The following SYNM variants were observed in gnomAD, a reference collection of about 807,000 sequenced individuals.
The protein encoded by SYNM is desmuslin.
In SYNM, 95 loss-of-function variants were observed where a neutral mutation model predicts 104.0. The ratio of observed to expected loss-of-function variants is 0.91; its 90% confidence interval spans 0.77 to 1.08. The LOEUF is 1.08. SYNM is among the 50% of genes least tolerant of loss of function. The probability of loss-of-function intolerance (pLI) is 0.00; values close to 1 mark genes in which losing one functional copy is unlikely to be tolerated. For missense variants in SYNM, 2,150 were observed against 2,052.2 expected (o/e 1.05, Z -0.92); for synonymous variants, 918 against 869.0 (o/e 1.06, Z -0.99).
chr15:99,124,831 G>A (rs1810091), intron 2 of SYNM, among the ~76,000 whole-genome samples: 51,112 of 152,062 alleles, frequency 0.34, 9,237 homozygotes, highest in Middle Eastern at 0.49. Flanking sequence ...TGGCTTCGAC[G>A]GTGTAAGTAC....
In SYNM at chr15:99,105,238, C is replaced by G. The variant is rs566408749; in HGVS notation, c.39C>G (p.Ala13=). 8 of 1,573,364 alleles carry G rather than the reference C, an allele frequency of 5.1e-6. No homozygotes were observed. The East Asian group carries it at 1.2e-4, about 23-fold the overall frequency. Residue 13 remains alanine, a synonymous_variant, in exon 1 of 4, where the codon GCC becomes GCG. Transcript: ENST00000336292. ...SWRLQTGPEK[A]ELQELNARLY... ...GGCTGCAGACGGGCCCCGAGAAGGC[C>G]GAGCTCCAGGAGCTCAACGCCCGGC... is the stretch of plus-strand genomic sequence containing the variant.
Position 99,131,258 on chromosome 15 carries a change from G to A in SYNM, c.2898G>A (p.Glu966=). Residue 966 remains glutamate (E), a synonymous_variant, in exon 4 of 4, where the codon GAG becomes GAA. Transcript: ENST00000336292. The surrounding 1 kb of genome is among the most constrained non-coding windows in gnomAD (Gnocchi z 4.3). ...AAACCCTTCCCGAGCGCATGAGGGA[G>A]GAGCTGTCCGCCCTCACCAGAGAGG... ...LEETLPERMR[E]ELSALTREGQ... is the part of the protein sequence containing the mutation. 1 of 1,610,986 alleles carries A rather than the reference G, an allele frequency of 6.2e-7. No homozygotes were observed. Among genetic ancestry groups the A allele is most frequent in the Non-Finnish European group, 8.5e-7 (1 of 1,178,920 alleles).
At chr15:99,120,494 G>C (rs372703431) in intron 2 of SYNM, among the ~76,000 whole-genome samples, 9 of 152,198 alleles carry the variant, frequency 5.9e-5, no homozygotes, top group Non-Finnish European at 1.2e-4. Context: ...CTTTGGGGGC[G>C]TGTCATGGAG....
chr15:99,136,798 C>G (rs1167684927), downstream of SYNM: 1 of 152,182 alleles, frequency 6.6e-6, no homozygotes, highest in Non-Finnish European at 1.5e-5. Context: ...TCCGACAGGC[C>G]TGGGTCTGGG....
At chr15:99,108,407 C>T (rs943547710) in intron 1 of SYNM, among the ~76,000 whole-genome samples, 5 of 152,130 alleles carry the variant, frequency 3.3e-5, no homozygotes, top group African/African-American at 1.2e-4. Context: ...CCAGAAGATT[C>T]AGCACCAATC....
chr15:99,129,460 G>A lies in SYNM; in HGVS notation c.1100G>A (p.Ser367Asn), dbSNP rs1555485386. The part of the protein sequence containing the change: ...LFSRQKAPLA[S>N]FNHSSALYSN... ...TCAAGGCAGAAAGCACCTTTGGCAA[G>A]TTTCAATCACAGCTCGGCACTGTAT... The change falls in exon 4 of 4, where the codon AGT becomes AAT. Residue 367 changes from serine to asparagine, a missense_variant. By Grantham distance (46) the Ser-to-Asn change is conservative. Transcript: ENST00000336292. The A allele has an allele frequency of 4.3e-6, 7 of 1,614,036 alleles. No homozygotes were observed. Among genetic ancestry groups the A allele is most frequent in the Non-Finnish European group, 5.9e-6 (7 of 1,179,906 alleles).
chr15:99,118,081 C>T (rs924260049), intron 2 of SYNM, among the ~76,000 whole-genome samples: 1 of 152,216 alleles, frequency 6.6e-6, no homozygotes, highest in Non-Finnish European at 1.5e-5. Flanking sequence ...GACTCCCAGC[C>T]CTGCTGGGTA....
Position 99,131,956 on chromosome 15 carries a change from C to G in SYNM, c.3596C>G (p.Ala1199Gly). The change falls in exon 4 of 4, where the codon GCA (alanine) becomes GGA (glycine). Residue 1199 changes from alanine (A) to glycine (G), a missense_variant. Coordinates refer to ENST00000336292, the MANE Select transcript of SYNM (RefSeq NM_145728.3). This position sits in a 1 kb window ranked among gnomAD's most constrained non-coding sequence, Gnocchi z 4.3. ...FLGPAPACPEAWGSPEPGPAE... is the reference protein window; with the variant it reads ...FLGPAPACPEGWGSPEPGPAE... ...GGCCCTGCCCCTGCCTGTCCAGAGG[C>G]ATGGGGCTCGCCAGAACCTGGCCCA... 1 of 1,613,796 alleles carries G rather than the reference C, an allele frequency of 6.2e-7. No individual in the cohort carries two copies. The highest frequency in any genetic ancestry group is 8.5e-7 in the Non-Finnish European group (1 of 1,179,888).
intron 2 of SYNM, among the ~76,000 whole-genome samples, chr15:99,126,494 C>A (rs2067448876): frequency 1.3e-5 from 2 of 152,236 alleles, no homozygotes; most frequent in Non-Finnish European, 2.9e-5. Flanking sequence ...ATGCTGGCTG[C>A]CAGGGATGTG....
intron 2 of SYNM, among the ~76,000 whole-genome samples, chr15:99,123,293 T>C (rs1290699887): frequency 7.6e-6 from 1 of 131,446 alleles, no homozygotes; most frequent in Non-Finnish European, 1.6e-5. Flanking sequence ...TTGTCTCTGT[T>C]GATTATCTGG....
At chr15:99,139,650 T>C, downstream of SYNM, 1 of 1,464,200 alleles carries the variant, frequency 6.8e-7, no homozygotes, top group Non-Finnish European at 9.1e-7. Context: ...AAAATAGATT[T>C]AAAAGTAGTA....
downstream of SYNM, chr15:99,139,012 G>T: frequency 2.3e-6 from 1 of 435,518 alleles, no homozygotes; most frequent in African/African-American, 2.0e-5. Flanking sequence ...CAGGGCTGCA[G>T]GAGGCCACAG....
At chr15:99,107,276 A>C (rs73476348) in intron 1 of SYNM, among the ~76,000 whole-genome samples, 2,438 of 152,282 alleles carry the variant, frequency 0.016, 70 homozygotes, top group African/African-American at 0.056. Flanking sequence ...ACTTGTGAGC[A>C]CTTGTGTCCC....
chr15:99,131,189 G>C lies in SYNM; in HGVS notation c.2829G>C (p.Lys943Asn). 3 of 1,608,164 alleles carry C rather than the reference G, an allele frequency of 1.9e-6. No individual in the cohort carries two copies. The highest frequency in any genetic ancestry group is 2.5e-6 in the Non-Finnish European group (3 of 1,177,286). ...CCTCCATGAAGGGCATCTCCTCCAA[G>C]GAGCCCCGGCAGCAGCTGGTGGAGG... ...FHTSMKGISS[K>N]EPRQQLVEVI... The change falls in exon 4 of 4, where the codon AAG (lysine) becomes AAC (asparagine). Residue 943 changes from lysine (K) to asparagine (N), a missense_variant. Physicochemically the swap from Lys to Asn is moderately conservative, Grantham distance 94 (BLOSUM62 0). Transcript: ENST00000336292. This position sits in a 1 kb window ranked among gnomAD's most constrained non-coding sequence, Gnocchi z 4.3.
At position 99,132,438 on chromosome 15, in the gene SYNM, T is replaced by G. The variant is rs553610782; in HGVS notation, c.4078T>G (p.Ser1360Ala). 4.3e-6 allele frequency: 7 copies of G among 1,613,950 alleles called. No homozygotes were observed. The highest frequency in any genetic ancestry group is 5.9e-6 in the Non-Finnish European group (7 of 1,179,878). ...GCACCAGGCCACTCACAGTCATACC[T>G]CGGGTAGACAAACCGTTATGACTGA... ...DVHQATHSHT[S>A]GRQTVMTEKS... Residue 1360 changes from serine (S) to alanine (A), a missense_variant, in exon 4 of 4, where the codon TCG becomes GCG. By Grantham distance (99) the Ser-to-Ala change is moderately conservative. Coordinates refer to ENST00000336292, the MANE Select transcript of SYNM (RefSeq NM_145728.3).
At chr15:99,114,978 T>A (rs556557222) in intron 2 of SYNM, among the ~76,000 whole-genome samples, 5 of 152,286 alleles carry the variant, frequency 3.3e-5, no homozygotes, top group East Asian at 1.9e-4. Context: ...CTGCCAGACG[T>A]GGTGCTGAGT....
At position 99,111,519 on chromosome 15, in the gene SYNM, T is replaced by C. The variant is rs1157316986; in HGVS notation, c.811-2072T>C. 3.9e-5 allele frequency among the ~76,000 whole-genome samples: 6 copies of C among 152,204 alleles called. No homozygotes were observed. The East Asian group carries it at 1.2e-3, about 29-fold the overall frequency. ...CACTTACATCAAGACTGGCAGTTGC[T>C]CTTTGGTGAGCTTCTCTGTTTGTAA... On this transcript the variant is annotated intron_variant, in intron 1 of 3. Transcript: ENST00000336292.
chr15:99,130,187 A>G lies in SYNM; in HGVS notation c.1827A>G (p.Arg609=). 6.2e-7 allele frequency: 1 copy of G among 1,613,976 alleles called. No homozygotes were observed. The highest frequency in any genetic ancestry group is 8.5e-7 in the Non-Finnish European group (1 of 1,179,906). Residue 609 remains arginine (R), a synonymous_variant, in exon 4 of 4, where the codon AGA becomes AGG. Transcript: ENST00000336292. Reference sequence around the variant, plus strand: ...AGGATGCTGGTGGTGGGACCGGTAGAGAGGCAGAAGCAAGAGAGCTACGGT... The same window carrying G: ...AGGATGCTGGTGGTGGGACCGGTAGGGAGGCAGAAGCAAGAGAGCTACGGT... ...PVKDAGGGTG[R]EAEARELRFR...
rs2067539105 is a variant in SYNM at position 99,133,981 on chromosome 15, G to A, written c.*923G>A. On this transcript the variant is annotated 3_prime_UTR_variant, in exon 4 of 4. Coordinates refer to ENST00000336292, the MANE Select transcript of SYNM (RefSeq NM_145728.3). ...AGAGAATGCCGATACTCAGACTGCA[G>A]CTGGACCGGCAAGCTGGCTGTGTAC... 6.6e-6 allele frequency: 1 copy of A among 152,204 alleles called. No individual in the cohort carries two copies. Among genetic ancestry groups the A allele is most frequent in the Non-Finnish European group, 1.5e-5 (1 of 68,060 alleles). The allele number at this position is 152,204 out of a possible 1,614,324, so 9.4% of individuals were successfully genotyped here.
Sources: allele counts gnomAD v4.1 joint callset (sites outside exome capture counted in the v4.1 genomes callset), GRCh38; gene constraint gnomAD v4.1.1; non-coding constraint Gnocchi (gnomAD v3.1); transcripts MANE v1.5; gene names NCBI Gene and HGNC (gene_info 2026-07-23, HGNC 2026-07-21).